Variants in GPM6A observed in about 807,000 individuals in gnomAD.
GPM6A encodes glycoprotein M6A.
Under a neutral mutation model 32.1 loss-of-function variants are expected in GPM6A, and 7 were observed. That is an observed-to-expected ratio of 0.22 (90% CI 0.12 to 0.41). The LOEUF is 0.41. Among genes scored for constraint, GPM6A ranks in the 10% least tolerant of loss-of-function variants. The pLI is 1.00. For missense variants in GPM6A, 235 were observed against 347.2 expected (o/e 0.68, Z 2.57); for synonymous variants, 130 against 123.4 (o/e 1.05, Z -0.35).
At chr4:175,841,972 T>A (rs1043859091) in intron 1 of GPM6A, among the ~76,000 whole-genome samples, 3 of 152,130 alleles carry the variant, frequency 2.0e-5, no homozygotes, top group African/African-American at 7.2e-5. Flanking sequence ...GGGTGCTCCT[T>A]CATGAATATA....
chr4:175,640,923 G>T, intron 4 of GPM6A, 94 bp from the exon 5 acceptor site: 1 of 730,072 alleles, frequency 1.4e-6, no homozygotes, highest in Non-Finnish European at 2.4e-6. Flanking sequence ...ATCTAAGCAA[G>T]TTCCATTTTA....
chr4:175,875,748 T>G (rs1737065545), intron 1 of GPM6A, among the ~76,000 whole-genome samples: 1 of 152,162 alleles, frequency 6.6e-6, no homozygotes, highest in East Asian at 1.9e-4. Context: ...CTCAGCAACC[T>G]ATAAAATACA....
chr4:175,812,027 C>T (rs1734939403), intron 1 of GPM6A, 164 bp downstream of exon 1: 4 of 555,976 alleles, frequency 7.2e-6, no homozygotes, highest in African/African-American at 1.9e-5. Flanking sequence ...TGACAACATT[C>T]GTGCCAGACA....
intron 1 of GPM6A, among the ~76,000 whole-genome samples, chr4:175,893,989 G>T (rs73871256): frequency 6.6e-6 from 1 of 152,016 alleles, no homozygotes; most frequent in East Asian, 1.9e-4. Flanking sequence ...TGTTGAAATG[G>T]ATTGGTCAAA....
chr4:175,665,545 C>T (rs1742699503), intron 3 of GPM6A, among the ~76,000 whole-genome samples: 1 of 152,076 alleles, frequency 6.6e-6, no homozygotes, highest in Admixed American at 6.6e-5. Context: ...CTTTGGGAGA[C>T]TGAGGCGGGC....
chr4:175,973,999 G>A (rs1055959164), intron 1 of GPM6A, among the ~76,000 whole-genome samples: 2 of 152,118 alleles, frequency 1.3e-5, no homozygotes, highest in Admixed American at 6.6e-5. Flanking sequence ...TTGGGAGGCC[G>A]AGGCAGGTAG....
At chr4:175,676,144 C>A (rs554687578) in intron 2 of GPM6A, among the ~76,000 whole-genome samples, 1 of 152,214 alleles carries the variant, frequency 6.6e-6, no homozygotes, top group South Asian at 2.1e-4. Context: ...GTTTGCTTCC[C>A]CTTCCACCAT....
chr4:175,805,864 C>A (rs1391739660), intron 1 of GPM6A: 1 of 152,012 alleles, frequency 6.6e-6, no homozygotes, highest in African/African-American at 2.4e-5. Context: ...TTATATTTCC[C>A]ACTCACAATT....
chr4:175,879,660 A>G (rs1737205508), intron 1 of GPM6A, among the ~76,000 whole-genome samples: 1 of 152,164 alleles, frequency 6.6e-6, no homozygotes, highest in South Asian at 2.1e-4. Flanking sequence ...GTGAGATTTA[A>G]TTGAGGACAC....
chr4:175,896,901 G>A (rs765573824), intron 1 of GPM6A, among the ~76,000 whole-genome samples: 12 of 151,942 alleles, frequency 7.9e-5, no homozygotes, highest in Non-Finnish European at 1.3e-4. Flanking sequence ...CTTCTTTGAG[G>A]TGGCATCTTT....
At chr4:175,862,433 T>C (rs1195795389) in intron 1 of GPM6A, among the ~76,000 whole-genome samples, 2 of 152,236 alleles carry the variant, frequency 1.3e-5, no homozygotes, top group African/African-American at 4.8e-5. Context: ...CTCAACATTA[T>C]GTTTGTGAGA....
At chr4:175,708,043 C>T (rs1347152562) in intron 1 of GPM6A, among the ~76,000 whole-genome samples, 1 of 152,088 alleles carries the variant, frequency 6.6e-6, no homozygotes, top group African/African-American at 2.4e-5. Context: ...ATCAATGTAT[C>T]CAACAGTTAT....
At chr4:175,741,775 T>C (rs898793056) in intron 1 of GPM6A, among the ~76,000 whole-genome samples, 1 of 152,162 alleles carries the variant, frequency 6.6e-6, no homozygotes, top group Non-Finnish European at 1.5e-5. Flanking sequence ...GGCGCTATTA[T>C]ATTCCATAAT....
At chr4:175,643,523 A>C (rs4420927) in intron 4 of GPM6A, among the ~76,000 whole-genome samples, 111,683 of 151,784 alleles carry the variant, frequency 0.74, 42,912 homozygotes, top group Non-Finnish European at 0.85. Context: ...GAGCTGAGCT[A>C]CTCCTGTCCT....
At chr4:175,648,293 A>G (rs1741588842) in intron 4 of GPM6A, among the ~76,000 whole-genome samples, 1 of 152,146 alleles carries the variant, frequency 6.6e-6, no homozygotes, top group African/African-American at 2.4e-5. Flanking sequence ...GCAGTAGGCA[A>G]AAAATAGCCT....
intron 1 of GPM6A, chr4:176,002,216 T>A: frequency 7.5e-7 from 1 of 1,337,910 alleles, no homozygotes; most frequent in Non-Finnish European, 1.1e-6. Context: ...AAGGACGCAG[T>A]CTGAGGCCGA....
upstream of GPM6A, chr4:175,812,782 T>C (rs1734981735): frequency 1.0e-6 from 1 of 985,398 alleles, no homozygotes. Context: ...CGGTTCTTTA[T>C]GCTGCAGCAG....
chr4:175,976,347 TAGTAGAGACGGGA>T (rs1740662280), intron 1 of GPM6A, among the ~76,000 whole-genome samples: 1 of 150,370 alleles, frequency 6.7e-6, no homozygotes, highest in African/African-American at 2.5e-5. Context: ...TTTGTATTTT[TAGTAGAGACGGGA>T]TTTCACCATG....
chr4:175,967,174 C>A (rs1466229423), intron 1 of GPM6A, among the ~76,000 whole-genome samples: 1 of 152,156 alleles, frequency 6.6e-6, no homozygotes, highest in African/African-American at 2.4e-5. Context: ...TAATCCATCA[C>A]ATCACAAAGC....
Sources: allele counts gnomAD v4.1 joint callset (sites outside exome capture counted in the v4.1 genomes callset), GRCh38; gene constraint gnomAD v4.1.1; transcripts MANE v1.5; gene names NCBI Gene and HGNC (gene_info 2026-07-23, HGNC 2026-07-21).